The following MED12L variants were observed in gnomAD, a reference collection of about 807,000 sequenced individuals.
The protein encoded by MED12L is mediator complex subunit 12L.
In MED12L, 60 loss-of-function variants were observed where a neutral mutation model predicts 281.3. The ratio of observed to expected loss-of-function variants is 0.21; its 90% CI spans 0.17 to 0.26. The LOEUF is 0.26. Ranked by LOEUF, MED12L falls within the 10% of genes least tolerant of loss-of-function variation. The probability of loss-of-function intolerance (pLI) is 1.00; values close to 1 mark genes in which losing one functional copy is unlikely to be tolerated. For missense variants in MED12L, 2,146 were observed against 2,680.9 expected (o/e 0.80, Z 4.41); for synonymous variants, 974 against 987.2 (o/e 0.99, Z 0.25).
Position 151,122,900 on chromosome 3 carries a change from C to T in MED12L, c.322C>T (p.Arg108Ter), listed in dbSNP as rs1257235258. The change falls in exon 4 of 45, where the codon CGA becomes TGA. Residue 108 changes from arginine to a stop codon, truncating the protein, a stop_gained. Transcript: ENST00000687756. LOFTEE classifies it high-confidence loss of function. ...AKDNYWLVTA[R>*]SQSAIHSWFS... ...AGATAATTATTGGCTGGTTACTGCT[C>T]GATCCCAGAGTGCAATTCATAGTTG... is the stretch of plus-strand genomic sequence containing the variant. 1 of 1,612,746 alleles carries T rather than the reference C, an allele frequency of 6.2e-7. No individual in the cohort carries two copies. The highest frequency in any genetic ancestry group is 1.3e-5 in the African/African-American group (1 of 74,884).
intron 7 of MED12L, among the ~76,000 whole-genome samples, 182 bp from the exon 8 acceptor site, chr3:151,159,650 A>T (rs1719736009): frequency 6.6e-6 from 1 of 152,170 alleles, no homozygotes; most frequent in East Asian, 1.9e-4. Flanking sequence ...TATTTTTTTC[A>T]TGGCTCCTAG....
chr3:151,310,408 A>G (rs958374398), intron 16 of MED12L, among the ~76,000 whole-genome samples: 3 of 152,116 alleles, frequency 2.0e-5, no homozygotes, highest in Non-Finnish European at 4.4e-5. Flanking sequence ...TTAAGCTTTG[A>G]GTTGGTGTCT....
At chr3:151,375,575 A>ATCATTC (rs1299833071) in intron 27 of MED12L, among the ~76,000 whole-genome samples, 1 of 152,180 alleles carries the variant, frequency 6.6e-6, no homozygotes, top group East Asian at 1.9e-4. Context: ...CATTATTCAT[A>ATCATTC]ATAGTATCAA....
intron 7 of MED12L, among the ~76,000 whole-genome samples, 199 bp from the exon 8 acceptor site, chr3:151,159,633 T>C (rs1428638379): frequency 2.0e-5 from 3 of 152,248 alleles, no homozygotes; most frequent in East Asian, 3.8e-4. Context: ...AATTTTTGCC[T>C]GTTTCTTATT....
At chr3:151,178,181 A>AAAAAAAAAG (rs1560124057) in intron 11 of MED12L, among the ~76,000 whole-genome samples, 28 of 149,430 alleles carry the variant, frequency 1.9e-4, no homozygotes, top group Admixed American at 1.0e-3. Flanking sequence ...AAAAAAAAAA[A>AAAAAAAAAG]AAAGAAAGTG....
intron 16 of MED12L, chr3:151,199,085 G>A: frequency 6.2e-7 from 1 of 1,613,812 alleles, no homozygotes; most frequent in East Asian, 2.2e-5. Flanking sequence ...GAAGATAATT[G>A]ATAAATACAT....
At position 151,367,628 on chromosome 3, in the gene MED12L, T is replaced by C; in HGVS notation, c.3328-18T>C. On this transcript the variant is annotated intron_variant, in intron 23 of 44. Coordinates refer to ENST00000687756, the MANE Select transcript of MED12L (RefSeq NM_001393769.1). ...CAAGGTTGTTAGGTATTAAAACCTG[T>C]CAATGTTTTTCTTGAAGGTGAGTGA... The C allele has an allele frequency of 6.3e-7, 1 of 1,596,022 alleles. No homozygotes were observed. The highest frequency in any genetic ancestry group is 8.6e-7 in the Non-Finnish European group (1 of 1,168,356).
At chr3:151,330,651 GTGACTTGGC>G (rs1446927520) in intron 16 of MED12L, among the ~76,000 whole-genome samples, 1 of 152,110 alleles carries the variant, frequency 6.6e-6, no homozygotes, top group Non-Finnish European at 1.5e-5. Flanking sequence ...AAAGTTTTGG[GTGACTTGGC>G]TTTGAATTCT....
intron 16 of MED12L, among the ~76,000 whole-genome samples, chr3:151,292,812 G>A (rs574573779): frequency 5.9e-5 from 9 of 152,192 alleles, no homozygotes; most frequent in African/African-American, 2.2e-4. Context: ...ATATATATAC[G>A]GAAGCTGTAA....
In MED12L at chr3:151,158,814, C is replaced by T; in HGVS notation, c.837+15C>T. 1 of 1,547,274 alleles carries T rather than the reference C, an allele frequency of 6.5e-7. No homozygotes were observed. Among genetic ancestry groups the T allele is most frequent in the South Asian group, 1.1e-5 (1 of 87,830 alleles). ...TAATGCTGCAGGTATAGTACATGTC[C>T]CCTTGAGGCAGTTGGTTTTATGGGC... is the stretch of plus-strand genomic sequence containing the variant. On this transcript the variant is annotated intron_variant, in intron 7 of 44. Transcript: ENST00000687756.
At position 151,160,088 on chromosome 3, in the gene MED12L, G is replaced by C; in HGVS notation, c.1094G>C (p.Ser365Thr). 1 of 1,598,448 alleles carries C rather than the reference G, an allele frequency of 6.3e-7. No individual in the cohort carries two copies. The highest frequency in any genetic ancestry group is 8.5e-7 in the Non-Finnish European group (1 of 1,170,408). The change falls in exon 8 of 45, where the codon AGT becomes ACT. Residue 365 changes from serine (S) to threonine (T), a missense_variant. Ser to Thr is a moderately conservative substitution (Grantham distance 58, BLOSUM62 1). Transcript: ENST00000687756. ...AQHGPLVYGL[S>T]CMLQTVTLCC... is the part of the protein sequence containing the mutation. ...CATGGTCCCCTGGTTTATGGACTTA[G>C]TTGTATGTTGCAGGTAAGTCCTTGG...
At chr3:151,128,053 T>C (rs1714794552) in intron 5 of MED12L, 69 bp downstream of exon 5, 2 of 1,352,674 alleles carry the variant, frequency 1.5e-6, no homozygotes, top group Non-Finnish European at 2.1e-6. Context: ...GCCTGTACCC[T>C]CTGGATACAG....
chr3:151,349,535 T>G (rs1175880667), intron 16 of MED12L, among the ~76,000 whole-genome samples: 1 of 152,154 alleles, frequency 6.6e-6, no homozygotes, highest in Non-Finnish European at 1.5e-5. Flanking sequence ...CCTCCCACCT[T>G]GGCCTCCCAA....
intron 25 of MED12L, among the ~76,000 whole-genome samples, chr3:151,368,689 T>TATTTCATTTCATTTC (rs1175917645): frequency 7.1e-5 from 3 of 42,006 alleles, no homozygotes; most frequent in East Asian, 5.0e-4. Context: ...CATTTCATTT[T>TATTTCATTTCATTTC]ATTTCATTTC....
At chr3:151,281,005 T>A (rs933301896) in intron 16 of MED12L, among the ~76,000 whole-genome samples, 21 of 152,088 alleles carry the variant, frequency 1.4e-4, no homozygotes, top group Non-Finnish European at 2.5e-4. Context: ...TTGTACACAT[T>A]TTCCTTTATT....
At chr3:151,258,979 T>C (rs966573713) in intron 16 of MED12L, among the ~76,000 whole-genome samples, 2 of 152,048 alleles carry the variant, frequency 1.3e-5, no homozygotes, top group African/African-American at 2.4e-5. Flanking sequence ...ACCTGTGAAA[T>C]GGTGCTGATA....
intron 6 of MED12L, among the ~76,000 whole-genome samples, 174 bp from the exon 7 acceptor site, chr3:151,158,515 T>C (rs1456284547): frequency 6.6e-6 from 1 of 152,160 alleles, no homozygotes; most frequent in Non-Finnish European, 1.5e-5. Context: ...CAAAAAAAAC[T>C]ATACAAAACA....
At chr3:151,396,354 G>T (rs147342266) in intron 39 of MED12L, among the ~76,000 whole-genome samples, 1 of 152,204 alleles carries the variant, frequency 6.6e-6, no homozygotes, top group African/African-American at 2.4e-5. Flanking sequence ...AGGGCCAGGC[G>T]TGGTGGCTTA....
At chr3:151,240,788 T>A (rs901206581) in intron 16 of MED12L, among the ~76,000 whole-genome samples, 4 of 152,218 alleles carry the variant, frequency 2.6e-5, no homozygotes, top group Non-Finnish European at 5.9e-5. Flanking sequence ...TTAATCATGG[T>A]TTTTATTGGA....
Sources: gnomAD v4.1 joint callset for allele counts (sites outside exome capture counted in the v4.1 genomes callset) on GRCh38, gnomAD v4.1.1 for gene constraint, MANE v1.5 for transcripts, NCBI Gene and HGNC (gene_info 2026-07-23, HGNC 2026-07-21) for gene names.